The following TULP4 variants were observed in gnomAD, a reference collection of about 807,000 sequenced individuals.
TULP4 encodes tubby-related protein 4.
In TULP4, 16 loss-of-function variants were observed where a neutral mutation model predicts 129.0. That is an observed-to-expected ratio of 0.12 (90% CI 0.08 to 0.19). The LOEUF (loss-of-function observed/expected upper bound fraction) is 0.19. TULP4 is among the 10% of genes least tolerant of loss of function. The pLI is 1.00. For synonymous variants in TULP4, 998 were observed against 854.0 expected, an observed-to-expected ratio of 1.17 and a Z score of -2.94; for missense variants, 1,842 against 2,059.1, an observed-to-expected ratio of 0.89 and a Z score of 2.04.
rs373306211 is a variant in TULP4, at chr6:158,250,663, G to A, written n.68+18360G>A. 1.6e-4 allele frequency among the ~76,000 whole-genome samples: 25 copies of A among 152,098 alleles called. 1 individual carries two copies. The South Asian group carries it at 3.7e-3, about 23-fold the overall frequency. On this transcript the variant is annotated intron_variant and non_coding_transcript_variant, in intron 1 of 1. Coordinates refer to the TULP4 transcript ENST00000620026. Reference sequence around the variant, plus strand: ...TTCTTAGCTTTGTTTTCTGTGTTTCGCAAATACCTCTTGTCTCCTTGGCTG... The same window carrying A: ...TTCTTAGCTTTGTTTTCTGTGTTTCACAAATACCTCTTGTCTCCTTGGCTG...
intron 1 of TULP4, among the ~76,000 whole-genome samples, chr6:158,404,381 G>A (rs1777926001): frequency 6.6e-6 from 1 of 152,074 alleles, no homozygotes; most frequent in African/African-American, 2.4e-5. Context: ...TGTTAGGCCA[G>A]GGATCTCTTT....
intron 13 of TULP4, among the ~76,000 whole-genome samples, chr6:158,506,045 CTG>C (rs1346307603): frequency 2.0e-5 from 3 of 151,956 alleles, no homozygotes; most frequent in African/African-American, 7.3e-5. Context: ...ACCTTGCTCA[CTG>C]TCTCCATTGT....
At chr6:158,479,705 A>G in intron 6 of TULP4, 46 bp from the exon 7 acceptor site, 1 of 1,576,954 alleles carries the variant, frequency 6.3e-7, no homozygotes, top group Non-Finnish European at 8.7e-7. Flanking sequence ...TTTGCTTCCC[A>G]CAAGAGCAAA....
chr6:158,492,711 C>G (rs1268955407), intron 9 of TULP4, among the ~76,000 whole-genome samples: 1 of 152,180 alleles, frequency 6.6e-6, no homozygotes, highest in African/African-American at 2.4e-5. Context: ...CATCCTCCCA[C>G]TCCTCAGGAG....
At chr6:158,401,377 C>A (rs75864618) in intron 1 of TULP4, among the ~76,000 whole-genome samples, 1 of 152,212 alleles carries the variant, frequency 6.6e-6, no homozygotes, top group Admixed American at 6.5e-5. Context: ...CCTGGCCAGC[C>A]CTCTTTTATG....
intron 1 of TULP4, among the ~76,000 whole-genome samples, chr6:158,261,792 C>CA (rs755230277): frequency 1.3e-5 from 2 of 152,128 alleles, no homozygotes; most frequent in Non-Finnish European, 2.9e-5. Flanking sequence ...CTTTCTCTTT[C>CA]ACCATCTTTA....
At chr6:158,272,011 A>G (rs1778561117) in intron 1 of TULP4, among the ~76,000 whole-genome samples, 1 of 152,216 alleles carries the variant, frequency 6.6e-6, no homozygotes, top group African/African-American at 2.4e-5. Context: ...TTTCTAAATT[A>G]GAAATGTATG....
intron 1 of TULP4, among the ~76,000 whole-genome samples, chr6:158,317,730 C>T (rs915804171): frequency 1.2e-4 from 19 of 152,200 alleles, no homozygotes; most frequent in Non-Finnish European, 2.6e-4. Flanking sequence ...GAGGAATCAC[C>T]ACACTGTCTT....
chr6:158,271,149 CAAA>C (rs1220844247), intron 1 of TULP4, among the ~76,000 whole-genome samples: 6 of 78,968 alleles, frequency 7.6e-5, no homozygotes, highest in Admixed American at 1.2e-4. Context: ...GACTCTGTCT[CAAA>C]AAAAAAAAAA....
chr6:158,483,654 C>T (rs1030390896), intron 8 of TULP4, among the ~76,000 whole-genome samples: 2 of 152,138 alleles, frequency 1.3e-5, no homozygotes, highest in East Asian at 1.9e-4. Flanking sequence ...TCATTGAGGC[C>T]GCCATATCAT....
intron 1 of TULP4, among the ~76,000 whole-genome samples, chr6:158,300,052 A>G (rs754003995): frequency 5.3e-5 from 8 of 152,178 alleles, no homozygotes; most frequent in African/African-American, 9.6e-5. Context: ...AACCACACCC[A>G]TTTTAATTTG....
chr6:158,318,752 G>A (rs1165883526), intron 1 of TULP4, among the ~76,000 whole-genome samples: 1 of 151,770 alleles, frequency 6.6e-6, no homozygotes, highest in African/African-American at 2.4e-5. Context: ...TTCAGACAGA[G>A]CTTCGCTCTC....
intron 1 of TULP4, among the ~76,000 whole-genome samples, chr6:158,315,029 T>C (rs1364159523): frequency 1.3e-5 from 2 of 152,216 alleles, no homozygotes; most frequent in African/African-American, 2.4e-5. Flanking sequence ...GCAATATTCA[T>C]GTTTTACTCT....
In TULP4 at chr6:158,351,707, C is replaced by CTTTTTTTTTTTT. The variant is rs1160814801; in HGVS notation, c.252+37457_252+37468dup. 4.0e-5 allele frequency among the ~76,000 whole-genome samples: 2 copies of CTTTTTTTTTTTT among 50,520 alleles called. 1 individual carries two copies. Among genetic ancestry groups the CTTTTTTTTTTTT allele is most frequent in the Non-Finnish European group, 6.8e-5 (2 of 29,528 alleles). The allele number at this position is 50,520 out of a possible 152,430, so 33.1% of individuals were successfully genotyped here. A position where few individuals can be genotyped will look rare whatever the true frequency, so the allele number is the denominator to read the frequency against. ...AGTAGCATCTTTTTGTGTTGTTAAA[C>CTTTTTTTTTTTT]TTTTTTTTTTTTTTTTTTTTTTTTT... On this transcript the variant is annotated intron_variant, in intron 1 of 13. Transcript: ENST00000367097.
At chr6:158,269,140 A>G (rs1230554599) in intron 1 of TULP4, among the ~76,000 whole-genome samples, 2 of 152,176 alleles carry the variant, frequency 1.3e-5, no homozygotes, top group Admixed American at 6.5e-5. Context: ...ATATGAGAAT[A>G]GAGTTGGCCT....
intron 6 of TULP4, among the ~76,000 whole-genome samples, chr6:158,469,239 T>TGAG (rs371852523): frequency 1.1e-3 from 163 of 150,636 alleles, no homozygotes; most frequent in African/African-American, 3.8e-3. Context: ...TGGAGGACTG[T>TGAG]GAGGAGGAGG....
intron 2 of TULP4, among the ~76,000 whole-genome samples, chr6:158,418,838 A>G (rs1365558584): frequency 1.3e-5 from 2 of 152,150 alleles, no homozygotes; most frequent in East Asian, 3.8e-4. Flanking sequence ...GTGTGATGTA[A>G]AATTGCTGGT....
rs547839744 is a variant in TULP4, at chr6:158,440,283, A to T, written c.544-8713A>T. On this transcript the variant is annotated intron_variant, in intron 3 of 13. Transcript: ENST00000367097. ...CAGTGAGCCATGATTGTGTCACTGC[A>T]CTCCAGCCTGGATGACAGAGTGAGT... Among the ~76,000 whole-genome samples, 3 of 137,470 alleles carry T rather than the reference A, an allele frequency of 2.2e-5. No homozygotes were observed. In the East Asian group the frequency reaches 6.6e-4, roughly 30 times the overall value. 90.2% of individuals were successfully genotyped at this position (137,470 alleles called of 152,430 possible).
chr6:158,296,676 C>T (rs1282677459), intron 1 of TULP4, among the ~76,000 whole-genome samples: 5 of 151,554 alleles, frequency 3.3e-5, no homozygotes, highest in Non-Finnish European at 7.4e-5. Flanking sequence ...AAGTGTCAGC[C>T]GGTCTGAGAA....
Sources: allele counts gnomAD v4.1 joint callset (sites outside exome capture counted in the v4.1 genomes callset), GRCh38; gene constraint gnomAD v4.1.1; transcripts MANE v1.5; gene names NCBI Gene and HGNC (gene_info 2026-07-23, HGNC 2026-07-21).